RCBTB1: variants seen among roughly 807,000 people sequenced by gnomAD.
The protein encoded by RCBTB1 is RCC1 and BTB domain-containing protein 1.
Under a neutral mutation model 62.4 loss-of-function variants are expected in RCBTB1, and 46 were observed. The ratio of observed to expected loss-of-function variants is 0.74; its 90% CI spans 0.58 to 0.94. The LOEUF is 0.94. Ranked by LOEUF, RCBTB1 falls within the 40% of genes least tolerant of loss-of-function variation. RCBTB1 has a pLI of 0.00. For missense variants in RCBTB1, 565 were observed against 654.9 expected (o/e 0.86, Z 1.50); for synonymous variants, 222 against 245.8 (o/e 0.90, Z 0.91).
At chr13:49,536,601 T>TA (rs1262533905) in intron 12 of RCBTB1, among the ~76,000 whole-genome samples, 1 of 152,122 alleles carries the variant, frequency 6.6e-6, no homozygotes, top group Non-Finnish European at 1.5e-5. Flanking sequence ...GGGCTTTAAA[T>TA]AAAACAGTTC....
rs1206335339 is a variant in RCBTB1 at position 49,549,605 on chromosome 13, C to T, written c.898G>A (p.Ala300Thr). Residue 300 changes from alanine to threonine, a missense_variant, in exon 9 of 13, where the codon GCC (alanine) becomes ACC (threonine). Physicochemically the swap from Ala to Thr is moderately conservative, Grantham distance 58. Coordinates refer to ENST00000378302, the MANE Select transcript of RCBTB1 (RefSeq NM_018191.4). ...AACHSAHTSA[A>T]KTQGGHVYMW... is the part of the protein sequence containing the mutation. Reference sequence around the variant, plus strand: ...TACACGTGCCCACCCTGCGTCTTGGCTGCAGACGTGTGGGCAGAGTGACAG... The same window carrying T: ...TACACGTGCCCACCCTGCGTCTTGGTTGCAGACGTGTGGGCAGAGTGACAG... The T allele has an allele frequency of 2.5e-6, 4 of 1,614,038 alleles. No homozygotes were observed. The African/African-American group carries it at 4.0e-5, about 16-fold the overall frequency.
At chr13:49,545,486 A>C (rs1960717480) in intron 9 of RCBTB1, among the ~76,000 whole-genome samples, 1 of 152,236 alleles carries the variant, frequency 6.6e-6, no homozygotes, top group African/African-American at 2.4e-5. Flanking sequence ...TGAAGGGAAC[A>C]GTTTTATAAG....
At chr13:49,576,146 C>T (rs953846649) in intron 2 of RCBTB1, among the ~76,000 whole-genome samples, 27 of 135,044 alleles carry the variant, frequency 2.0e-4, no homozygotes, top group Admixed American at 3.3e-4. Flanking sequence ...AAGATTGCAC[C>T]ACTGCACTCC....
intron 8 of RCBTB1, 75 bp from the exon 9 acceptor site, chr13:49,549,723 A>G: frequency 6.6e-7 from 1 of 1,505,582 alleles, no homozygotes. Flanking sequence ...AGGCAATTTA[A>G]AAGTTCATGC....
intron 1 of RCBTB1, among the ~76,000 whole-genome samples, chr13:49,583,108 C>A (rs1964201506): frequency 6.6e-6 from 1 of 152,176 alleles, no homozygotes. Flanking sequence ...GAGTTTGAGG[C>A]TGCAGTGAGC....
At chr13:49,584,584 T>A (rs909678672) in intron 1 of RCBTB1, among the ~76,000 whole-genome samples, 5 of 152,238 alleles carry the variant, frequency 3.3e-5, no homozygotes, top group African/African-American at 1.2e-4. Context: ...TATACTTTGA[T>A]GTTTTAATGT....
intron 9 of RCBTB1, chr13:49,547,207 G>T (rs2139158415): frequency 8.2e-7 from 1 of 1,216,278 alleles, no homozygotes; most frequent in East Asian, 5.7e-5. Context: ...TATACCTAAA[G>T]AACATGGCAA....
intron 2 of RCBTB1, among the ~76,000 whole-genome samples, chr13:49,567,928 G>A (rs959841431): frequency 4.6e-5 from 7 of 152,162 alleles, no homozygotes. Context: ...TATGGGTGAG[G>A]ACAAGTAAAA....
chr13:49,572,572 G>A (rs1024786630), intron 2 of RCBTB1, among the ~76,000 whole-genome samples: 1 of 152,210 alleles, frequency 6.6e-6, no homozygotes, highest in African/African-American at 2.4e-5. Context: ...GGAGGCTGAG[G>A]CAGGCAGATC....
At chr13:49,557,099 T>C (rs529305624) in intron 5 of RCBTB1, among the ~76,000 whole-genome samples, 37 of 152,196 alleles carry the variant, frequency 2.4e-4, no homozygotes, top group Non-Finnish European at 4.8e-4. Flanking sequence ...CTCCCTGAGC[T>C]TTTGGGTTTG....
chr13:49,567,308 T>C lies in RCBTB1; in HGVS notation c.-29A>G, dbSNP rs1169799017. ...TCTGGCTTCAAGCAATTCCTATAAA[T>C]AAGCCGACATCTCTGCTGGAACAGA... On this transcript the variant is annotated 5_prime_UTR_variant, in exon 3 of 13. Coordinates refer to ENST00000378302, the MANE Select transcript of RCBTB1 (RefSeq NM_018191.4). The C allele has an allele frequency of 1.2e-6, 2 of 1,610,672 alleles. No homozygotes were observed. The highest frequency in any genetic ancestry group is 2.7e-5 in the African/African-American group (2 of 74,796).
At chr13:49,547,355 T>C in intron 9 of RCBTB1, among the ~76,000 whole-genome samples, 1 of 152,236 alleles carries the variant, frequency 6.6e-6, no homozygotes. Context: ...AAGCATGACG[T>C]TTTAGAAAAT....
intron 6 of RCBTB1, among the ~76,000 whole-genome samples, chr13:49,554,722 T>G (rs938341359): frequency 3.9e-5 from 6 of 152,144 alleles, no homozygotes; most frequent in Non-Finnish European, 7.4e-5. Context: ...CATATGAGAA[T>G]CTAACTCATG....
At chr13:49,546,160 TCTC>T in intron 9 of RCBTB1, 3 of 985,352 alleles carry the variant, frequency 3.0e-6, no homozygotes, top group Non-Finnish European at 3.6e-6. Context: ...AAAACCCACT[TCTC>T]ATCAGTGCTT....
At chr13:49,535,895 C>T (rs1242966685) in intron 12 of RCBTB1, among the ~76,000 whole-genome samples, 2 of 151,962 alleles carry the variant, frequency 1.3e-5, no homozygotes, top group African/African-American at 2.4e-5. Flanking sequence ...TGGTGGCAAG[C>T]ACCTGTAATC....
At chr13:49,563,893 G>C (rs1962684647) in intron 4 of RCBTB1, among the ~76,000 whole-genome samples, 1 of 152,198 alleles carries the variant, frequency 6.6e-6, no homozygotes. Flanking sequence ...CAGCATTCTA[G>C]GAAGCTGTGA....
At chr13:49,578,607 A>G (rs957403414) in intron 2 of RCBTB1, among the ~76,000 whole-genome samples, 6 of 152,256 alleles carry the variant, frequency 3.9e-5, no homozygotes, top group African/African-American at 1.4e-4. Context: ...TCATGCAAGT[A>G]TATGGTCCAT....
In RCBTB1 at chr13:49,532,420, C is replaced by T. The variant is rs533818599; in HGVS notation, c.*1702G>A. ...GAGCAATAGTAAACATACTGAAGTTCACATTTTGCTCAGATCATAAGCCTA... is the reference window on the plus strand; with the variant it reads ...GAGCAATAGTAAACATACTGAAGTTTACATTTTGCTCAGATCATAAGCCTA... On this transcript the variant is annotated 3_prime_UTR_variant, in exon 13 of 13. Coordinates refer to ENST00000378302, the MANE Select transcript of RCBTB1 (RefSeq NM_018191.4). 1 of 152,524 alleles carries T rather than the reference C, an allele frequency of 6.6e-6. No individual in the cohort carries two copies. Among genetic ancestry groups the T allele is most frequent in the African/African-American group, 2.4e-5 (1 of 41,500 alleles). The allele number at this position is 152,524 out of a possible 1,614,324, so 9.4% of individuals were successfully genotyped here.
chr13:49,556,599 C>T (rs571899015), intron 5 of RCBTB1, among the ~76,000 whole-genome samples: 3 of 152,078 alleles, frequency 2.0e-5, no homozygotes, highest in Non-Finnish European at 2.9e-5. Context: ...TCTAAGCCCC[C>T]GCTCCCCACC....
Sources: gnomAD v4.1 joint callset for allele counts (sites outside exome capture counted in the v4.1 genomes callset) on GRCh38, gnomAD v4.1.1 for gene constraint, MANE v1.5 for transcripts, NCBI Gene and HGNC (gene_info 2026-07-23, HGNC 2026-07-21) for gene names.